The following EIPR1 variants were observed in gnomAD, a reference collection of about 807,000 sequenced individuals.
EIPR1 encodes the protein EARP and GARP complex-interacting protein 1.
A neutral mutation model predicts 48.1 loss-of-function variants in EIPR1; 25 were observed. That is an observed-to-expected ratio of 0.52 (90% confidence interval 0.38 to 0.73). EIPR1 has a LOEUF of 0.73. EIPR1 is among the 30% of genes least tolerant of loss of function. The pLI, the probability that EIPR1 is intolerant of heterozygous loss-of-function variation, is 0.00. For missense variants in EIPR1, 415 were observed against 506.2 expected, an observed-to-expected ratio of 0.82 and a Z score of 1.73; for synonymous variants, 204 against 201.9, an observed-to-expected ratio of 1.01 and a Z score of -0.09.
chr2:3,299,171 A>C (rs751144442), intron 3 of EIPR1, among the ~76,000 whole-genome samples: 1 of 152,218 alleles, frequency 6.6e-6, no homozygotes, highest in Non-Finnish European at 1.5e-5. Flanking sequence ...CACAAGTCCT[A>C]GCTGTTGCTG....
chr2:3,294,388 C>T (rs1209512489), intron 3 of EIPR1, among the ~76,000 whole-genome samples: 1 of 148,620 alleles, frequency 6.7e-6, no homozygotes, highest in Non-Finnish European at 1.5e-5. Context: ...TCTCTCCACA[C>T]ACACCCTCCA....
rs1234002941 is a variant in EIPR1 at position 3,305,699 on chromosome 2, C to A, written c.259+32318G>T. 1.3e-5 allele frequency among the ~76,000 whole-genome samples: 2 copies of A among 152,200 alleles called. 1 individual carries two copies. The highest frequency in any genetic ancestry group is 4.8e-5 in the African/African-American group (2 of 41,444). ...GGACCTGCCCGCCCTCCAGAAAGGC[C>A]CTCACCATTGACGACACCGCCACAA... On this transcript the variant is annotated intron_variant, in intron 3 of 8. Coordinates refer to ENST00000382125, the MANE Select transcript of EIPR1 (RefSeq NM_003310.5).
intron 3 of EIPR1, among the ~76,000 whole-genome samples, chr2:3,280,116 A>T (rs529313485): frequency 6.6e-6 from 1 of 152,338 alleles, no homozygotes; most frequent in South Asian, 2.1e-4. Context: ...GTTGTGGTTT[A>T]TGCCTTTCCG....
chr2:3,193,609 A>T (rs759733829), intron 7 of EIPR1, among the ~76,000 whole-genome samples: 1 of 152,204 alleles, frequency 6.6e-6, no homozygotes. Flanking sequence ...GATGCTCCAC[A>T]TTCTCCCGAC....
At chr2:3,338,204 T>A in intron 2 of EIPR1, 55 bp from the exon 3 acceptor site, 2 of 1,577,816 alleles carry the variant, frequency 1.3e-6, no homozygotes, top group South Asian at 2.3e-5. Flanking sequence ...CTCAGTACCT[T>A]CATCAGACAT....
intron 4 of EIPR1, among the ~76,000 whole-genome samples, chr2:3,238,391 G>A (rs748661990): frequency 1.3e-5 from 2 of 152,174 alleles, no homozygotes; most frequent in Non-Finnish European, 2.9e-5. Flanking sequence ...AGGTCCTGTC[G>A]CCTGCACAGG....
chr2:3,302,640 C>T (rs2103295477), intron 3 of EIPR1, among the ~76,000 whole-genome samples: 1 of 152,378 alleles, frequency 6.6e-6, no homozygotes. Context: ...AGAGGTTGTG[C>T]CCCATTGCAG....
At position 3,192,412 on chromosome 2, in the gene EIPR1, A is replaced by G. The variant is rs952958658; in HGVS notation, c.989+2T>C. On this transcript the variant is annotated splice_donor_variant, in intron 8 of 8. Transcript: ENST00000382125. LOFTEE classifies it high-confidence loss of function. Reference sequence around the variant, plus strand: ...GAGCCACTCTGCAGTGCGTGCCCTTACTTCTCTTCAGAACGGTGGTCCTCC... The same window carrying G: ...GAGCCACTCTGCAGTGCGTGCCCTTGCTTCTCTTCAGAACGGTGGTCCTCC... 1 of 1,606,804 alleles carries G rather than the reference A, an allele frequency of 6.2e-7. No homozygotes were observed. Among genetic ancestry groups the G allele is most frequent in the Non-Finnish European group, 8.5e-7 (1 of 1,176,568 alleles).
intron 7 of EIPR1, 48 bp from the exon 8 acceptor site, chr2:3,192,629 A>G: frequency 6.3e-7 from 1 of 1,593,202 alleles, no homozygotes; most frequent in African/African-American, 1.3e-5. Flanking sequence ...CCCGCAGGCA[A>G]CACCAACAAT....
chr2:3,302,401 G>T (rs988498387), intron 3 of EIPR1, among the ~76,000 whole-genome samples: 3 of 152,344 alleles, frequency 2.0e-5, no homozygotes, highest in Non-Finnish European at 4.4e-5. Flanking sequence ...GCAAACTGCG[G>T]TTTCAAGCAA....
chr2:3,262,595 T>C (rs888805038), intron 3 of EIPR1, among the ~76,000 whole-genome samples: 2 of 152,232 alleles, frequency 1.3e-5, no homozygotes, highest in African/African-American at 4.8e-5. Context: ...GAGGCAGCCC[T>C]GCTTCTGGGG....
chr2:3,256,361 C>T (rs974122753), intron 4 of EIPR1, among the ~76,000 whole-genome samples: 1 of 152,136 alleles, frequency 6.6e-6, no homozygotes, highest in Non-Finnish European at 1.5e-5. Context: ...GGGTACGCCA[C>T]GGCTGGCCCA....
chr2:3,360,739 C>T (rs892181346), intron 1 of EIPR1, among the ~76,000 whole-genome samples: 3 of 152,108 alleles, frequency 2.0e-5, no homozygotes. Context: ...GAATTCTCCA[C>T]TTAGAAGGTT....
chr2:3,308,713 CGATTA>C (rs1558288724), intron 3 of EIPR1, among the ~76,000 whole-genome samples: 1 of 152,136 alleles, frequency 6.6e-6, no homozygotes, highest in East Asian at 1.9e-4. Flanking sequence ...AGACATGGCA[CGATTA>C]GACTTCTGAA....
chr2:3,190,725 C>T (rs1205748132), intron 8 of EIPR1, among the ~76,000 whole-genome samples: 1 of 152,130 alleles, frequency 6.6e-6, no homozygotes, highest in African/African-American at 2.4e-5. Flanking sequence ...GGGAGCCAGG[C>T]CCACAGGCAC....
At chr2:3,340,400 G>A (rs1271968670) in intron 2 of EIPR1, among the ~76,000 whole-genome samples, 1 of 152,206 alleles carries the variant, frequency 6.6e-6, no homozygotes, top group Non-Finnish European at 1.5e-5. Context: ...CTCTCCATTC[G>A]GGGAACTGAA....
chr2:3,284,701 A>G (rs1489915617), intron 3 of EIPR1, among the ~76,000 whole-genome samples: 1 of 152,228 alleles, frequency 6.6e-6, no homozygotes, highest in Non-Finnish European at 1.5e-5. Context: ...CAGTAACTCA[A>G]ATGGAGCCAG....
rs58289107 is a variant in EIPR1, at chr2:3,276,608, C to CATG, written c.260-19154_260-19153insCAT. Among the ~76,000 whole-genome samples, 1,090 of 152,332 alleles carry CATG rather than the reference C, an allele frequency of 7.2e-3. 13 individuals carry two copies. Among genetic ancestry groups the CATG allele is most frequent in the African/African-American group, 0.025 (1,054 of 41,572 alleles). On this transcript the variant is annotated intron_variant, in intron 3 of 8. Coordinates refer to ENST00000382125, the MANE Select transcript of EIPR1 (RefSeq NM_003310.5). ...GGCCCATGTGCCACTCGGTCTCATA[C>CATG]TGTGGCCAGCTCAAGTCCACTACCT...
At chr2:3,248,876 A>G (rs1350287253) in intron 4 of EIPR1, among the ~76,000 whole-genome samples, 5 of 152,182 alleles carry the variant, frequency 3.3e-5, no homozygotes, top group Non-Finnish European at 5.9e-5. Context: ...TTCACCTTCC[A>G]CAATGATTGT....
Sources: allele counts gnomAD v4.1 joint callset (sites outside exome capture counted in the v4.1 genomes callset), GRCh38; gene constraint gnomAD v4.1.1; transcripts MANE v1.5; gene names NCBI Gene and HGNC (gene_info 2026-07-23, HGNC 2026-07-21).